Variants in DIAPH3 observed in about 807,000 individuals in gnomAD.
DIAPH3 encodes protein diaphanous homolog 3.
DIAPH3 carries 117 observed loss-of-function variants against 144.3 expected under a neutral mutation model. The observed-to-expected ratio is 0.81, with a 90% CI of 0.70 to 0.95. The LOEUF is 0.95. Ranked by LOEUF, DIAPH3 falls within the 40% of genes least tolerant of loss-of-function variation. The pLI is 0.00. For synonymous variants in DIAPH3, 519 were observed against 488.9 expected, an observed-to-expected ratio of 1.06 and a Z score of -0.81; for missense variants, 1,421 against 1,412.7, an observed-to-expected ratio of 1.01 and a Z score of -0.09.
chr13:59,713,745 C>G (rs560099062), intron 27 of DIAPH3, among the ~76,000 whole-genome samples: 152 of 152,320 alleles, frequency 1.0e-3, no homozygotes, highest in African/African-American at 3.6e-3. Context: ...TGTTAAAGGA[C>G]TTCCAAGAAA....
intron 21 of DIAPH3, among the ~76,000 whole-genome samples, chr13:59,866,833 T>TA (rs1438042901): frequency 3.3e-5 from 5 of 152,102 alleles, no homozygotes; most frequent in Admixed American, 3.3e-4. Context: ...TAAAGGTATC[T>TA]ACGTGAAAAT....
At chr13:60,149,717 C>T (rs1202226810) in intron 1 of DIAPH3, among the ~76,000 whole-genome samples, 2 of 137,986 alleles carry the variant, frequency 1.4e-5, no homozygotes, top group Non-Finnish European at 3.1e-5. Context: ...TGTACCACTG[C>T]ACGCCAGCCT....
chr13:60,007,171 C>T (rs2052930167), intron 9 of DIAPH3, among the ~76,000 whole-genome samples: 1 of 151,906 alleles, frequency 6.6e-6, no homozygotes, highest in Non-Finnish European at 1.5e-5. Flanking sequence ...CCTGTTTTAG[C>T]CTCCTGAGTA....
chr13:59,680,886 A>G (rs1409231814), intron 27 of DIAPH3, among the ~76,000 whole-genome samples: 2 of 152,178 alleles, frequency 1.3e-5, no homozygotes, highest in African/African-American at 4.8e-5. Context: ...AACCTTTGCA[A>G]TTGATGGAAT....
chr13:59,874,494 G>T (rs572814012), intron 21 of DIAPH3, among the ~76,000 whole-genome samples: 47 of 152,204 alleles, frequency 3.1e-4, no homozygotes, highest in Non-Finnish European at 5.4e-4. Flanking sequence ...TTAGAAAAGA[G>T]AATTTAGGAA....
chr13:59,830,035 G>C (rs368524764), intron 24 of DIAPH3, among the ~76,000 whole-genome samples: 1 of 151,894 alleles, frequency 6.6e-6, no homozygotes, highest in Non-Finnish European at 1.5e-5. Flanking sequence ...GTCTATTAAT[G>C]GGGATTTCCA....
Position 59,996,088 on chromosome 13 carries a change from A to C in DIAPH3, c.1015-3505T>G, listed in dbSNP as rs143292169. On this transcript the variant is annotated intron_variant, in intron 9 of 27. Transcript: ENST00000400324. Reference sequence around the variant, plus strand: ...GTGATCAACTGTGTCAACTGGTCAAATAAAACAAGGACTAATCAATTACCA... The same window carrying C: ...GTGATCAACTGTGTCAACTGGTCAACTAAAACAAGGACTAATCAATTACCA... Among the ~76,000 whole-genome samples, 1,173 of 152,160 alleles carry C rather than the reference A, an allele frequency of 7.7e-3. 16 individuals carry two copies. The highest frequency in any genetic ancestry group is 0.026 in the African/African-American group (1,088 of 41,536).
At chr13:59,762,052 C>CCTTTTTT (rs2037622500) in intron 27 of DIAPH3, among the ~76,000 whole-genome samples, 3 of 59,490 alleles carry the variant, frequency 5.0e-5, no homozygotes, top group Non-Finnish European at 8.8e-5. Context: ...GCGTCAGCAT[C>CCTTTTTT]TTTTTTTTTT....
intron 27 of DIAPH3, among the ~76,000 whole-genome samples, chr13:59,762,052 CTTTTTTTTTTT>C (rs35387511): frequency 1.2e-4 from 7 of 59,490 alleles, no homozygotes; most frequent in South Asian, 9.5e-4. Context: ...GCGTCAGCAT[CTTTTTTTTTTT>C]TTTTTTTTTT....
intron 20 of DIAPH3, among the ~76,000 whole-genome samples, chr13:59,880,564 A>G (rs2044949061): frequency 6.6e-6 from 1 of 152,280 alleles, no homozygotes; most frequent in Middle Eastern, 3.4e-3. Context: ...GAAAGCTATC[A>G]GCTCATAATA....
intron 27 of DIAPH3, among the ~76,000 whole-genome samples, chr13:59,719,465 G>A (rs1314081348): frequency 6.6e-6 from 1 of 152,138 alleles, no homozygotes; most frequent in African/African-American, 2.4e-5. Context: ...TAAGCAAAAA[G>A]GTGAATTAAA....
At chr13:59,752,680 T>G (rs2037071567) in intron 27 of DIAPH3, among the ~76,000 whole-genome samples, 1 of 152,234 alleles carries the variant, frequency 6.6e-6, no homozygotes, top group Non-Finnish European at 1.5e-5. Context: ...TGTAGTCATT[T>G]TAAAGCTTCA....
At chr13:59,991,113 A>G (rs773630120) in intron 12 of DIAPH3, 45 bp downstream of exon 12, 4 of 1,243,538 alleles carry the variant, frequency 3.2e-6, no homozygotes, top group Non-Finnish European at 4.7e-6. Context: ...CAATTAATAG[A>G]TTTTTATTAG....
chr13:59,835,640 GA>G (rs1483019718), intron 23 of DIAPH3, among the ~76,000 whole-genome samples: 9 of 151,734 alleles, frequency 5.9e-5, no homozygotes, highest in Admixed American at 5.9e-4. Flanking sequence ...AGAAAGAACA[GA>G]AGAAGAAAAG....
chr13:59,723,697 G>A (rs1167332009), intron 27 of DIAPH3, among the ~76,000 whole-genome samples: 4 of 151,150 alleles, frequency 2.6e-5, no homozygotes, highest in Non-Finnish European at 5.9e-5. Flanking sequence ...TGCAATCTCC[G>A]CCTCCTGGGT....
chr13:59,816,635 C>T (rs147152657), intron 24 of DIAPH3, among the ~76,000 whole-genome samples: 212 of 151,772 alleles, frequency 1.4e-3, no homozygotes, highest in African/African-American at 4.7e-3. Context: ...ATCCCTCCTT[C>T]TGGTTTCTCT....
At chr13:59,706,724 T>C (rs564106754) in intron 27 of DIAPH3, among the ~76,000 whole-genome samples, 177 of 152,330 alleles carry the variant, frequency 1.2e-3, no homozygotes, top group African/African-American at 4.0e-3. Context: ...GTTTTGACTG[T>C]GAATGGTCTG....
chr13:59,714,112 G>C (rs910768390), intron 27 of DIAPH3, among the ~76,000 whole-genome samples: 1 of 152,200 alleles, frequency 6.6e-6, no homozygotes, highest in African/African-American at 2.4e-5. Flanking sequence ...TGTAATCCCA[G>C]GACTTTGGGA....
chr13:59,787,250 A>G (rs2039082040), intron 25 of DIAPH3, among the ~76,000 whole-genome samples: 1 of 152,240 alleles, frequency 6.6e-6, no homozygotes, highest in Non-Finnish European at 1.5e-5. Flanking sequence ...GCATTAGCCT[A>G]TTTGGATCTC....
Sources: gnomAD v4.1 joint callset for allele counts (sites outside exome capture counted in the v4.1 genomes callset) on GRCh38, gnomAD v4.1.1 for gene constraint, MANE v1.5 for transcripts, NCBI Gene and HGNC (gene_info 2026-07-23, HGNC 2026-07-21) for gene names.